CDKL2: variants seen among roughly 807,000 people sequenced by gnomAD.
CDKL2 encodes the protein cyclin-dependent kinase-like 2.
In CDKL2, 64 loss-of-function variants were observed where a neutral mutation model predicts 63.9. The observed-to-expected ratio is 1.00, with a 90% confidence interval of 0.82 to 1.23. CDKL2 has a LOEUF of 1.23. Ranked by LOEUF, CDKL2 falls within the 50% of genes most tolerant of loss-of-function variation. The pLI is 0.00. For synonymous variants in CDKL2, 211 were observed against 229.2 expected, an observed-to-expected ratio of 0.92 and a Z score of 0.72; for missense variants, 656 against 668.0, an observed-to-expected ratio of 0.98 and a Z score of 0.20.
chr4:75,588,087 G>A (rs557127377), intron 12 of CDKL2, among the ~76,000 whole-genome samples: 5 of 151,436 alleles, frequency 3.3e-5, no homozygotes, highest in Non-Finnish European at 7.4e-5. Flanking sequence ...GGTGGTGCAC[G>A]CCTGTAATCC....
At chr4:75,618,545 C>T (rs1231345172) in intron 2 of CDKL2, among the ~76,000 whole-genome samples, 1 of 151,950 alleles carries the variant, frequency 6.6e-6, no homozygotes, top group East Asian at 1.9e-4. Flanking sequence ...TGAGTTGCCG[C>T]GCCCAGCCAT....
intron 7 of CDKL2, 62 bp from the exon 8 acceptor site, chr4:75,598,274 T>G: frequency 1.1e-6 from 1 of 914,754 alleles, no homozygotes; most frequent in Middle Eastern, 3.6e-4. Flanking sequence ...AAAAATTGAC[T>G]TTCAAGATAT....
At chr4:75,610,362 T>C (rs1174957290) in intron 3 of CDKL2, among the ~76,000 whole-genome samples, 22 of 152,130 alleles carry the variant, frequency 1.4e-4, no homozygotes, top group Admixed American at 1.4e-3. Flanking sequence ...TCACCATGTT[T>C]CTTCCCAACT....
At chr4:75,596,018 AAGGAAGGAAGGAAGAAAGGAAGGAAGG>A (rs1728912274) in intron 10 of CDKL2, 17 of 54,544 alleles carry the variant, frequency 3.1e-4, no homozygotes, top group Non-Finnish European at 3.5e-4. Context: ...GGAAGGAAGG[AAGGAAGGAAGGAAGAAAGGAAGGAAGG>A]AGTTTTTAGA....
At chr4:75,590,548 C>A (rs1454656635) in intron 12 of CDKL2, among the ~76,000 whole-genome samples, 1 of 152,028 alleles carries the variant, frequency 6.6e-6, no homozygotes, top group Non-Finnish European at 1.5e-5. Context: ...AACCCTGCCT[C>A]TAATAAAAAT....
chr4:75,588,162 C>T (rs1319165258), intron 12 of CDKL2, among the ~76,000 whole-genome samples: 63 of 149,918 alleles, frequency 4.2e-4, no homozygotes, highest in African/African-American at 1.3e-3. Flanking sequence ...TGCCGTGAGC[C>T]GAGATCGCAC....
chr4:75,581,578 A>T (rs1290902222), intron 13 of CDKL2, among the ~76,000 whole-genome samples: 1 of 152,222 alleles, frequency 6.6e-6, no homozygotes, highest in Non-Finnish European at 1.5e-5. Context: ...ATATCCAATA[A>T]AATGCAGGAG....
intron 6 of CDKL2, among the ~76,000 whole-genome samples, chr4:75,601,866 A>G (rs981823006): frequency 2.6e-5 from 4 of 152,212 alleles, no homozygotes; most frequent in African/African-American, 9.6e-5. Flanking sequence ...TCATGAGTTA[A>G]AGAATTAAAA....
chr4:75,581,102 T>G (rs1017648023), intron 13 of CDKL2, among the ~76,000 whole-genome samples: 1 of 152,228 alleles, frequency 6.6e-6, no homozygotes, highest in African/African-American at 2.4e-5. Context: ...AGTATAATCA[T>G]GCACTGTATA....
At chr4:75,596,477 C>A in intron 9 of CDKL2, 137 bp from the exon 10 acceptor site, 2 of 623,054 alleles carry the variant, frequency 3.2e-6, no homozygotes, top group Non-Finnish European at 5.7e-6. Context: ...ATACAATGCA[C>A]ATAAATCTGG....
intron 13 of CDKL2, among the ~76,000 whole-genome samples, chr4:75,580,067 T>C (rs758870261): frequency 6.6e-6 from 1 of 151,688 alleles, no homozygotes; most frequent in Non-Finnish European, 1.5e-5. Flanking sequence ...AGGTCAGGAG[T>C]TCAAGACCAG....
chr4:75,592,299 G>A (rs1560575769), intron 10 of CDKL2, 30 bp from the exon 11 acceptor site: 3 of 1,495,626 alleles, frequency 2.0e-6, no homozygotes, highest in South Asian at 2.6e-5. Context: ...CAACAAAAAA[G>A]AATTAGTTTC....
At chr4:75,624,910 T>A (rs1200400290) in intron 2 of CDKL2, among the ~76,000 whole-genome samples, 1 of 152,074 alleles carries the variant, frequency 6.6e-6, no homozygotes, top group Non-Finnish European at 1.5e-5. Flanking sequence ...TATTGCATAA[T>A]AACAAAAGAT....
intron 12 of CDKL2, among the ~76,000 whole-genome samples, chr4:75,589,299 C>CTTTTTTTTTTTTTTTT (rs34052339): frequency 1.1e-5 from 1 of 88,412 alleles, no homozygotes; most frequent in Non-Finnish European, 2.1e-5. Context: ...TTGATAGTTT[C>CTTTTTTTTTTTTTTTT]TTTTTTTTTT....
chr4:75,587,991 G>A (rs1409752178), intron 12 of CDKL2, among the ~76,000 whole-genome samples: 1 of 151,680 alleles, frequency 6.6e-6, no homozygotes, highest in Non-Finnish European at 1.5e-5. Context: ...AAGGCAGGCG[G>A]ATCACCTGAG....
Position 75,626,029 on chromosome 4 carries a change from A to G in CDKL2, c.-29-12T>C, listed in dbSNP as rs756450129. On this transcript the variant is annotated splice_polypyrimidine_tract_variant and intron_variant, in intron 1 of 13. Coordinates refer to ENST00000307465, the MANE Select transcript of CDKL2 (RefSeq NM_001330724.2). ...GTAGAAACTTTTTGCTGTGAAAACC[A>G]AAACATAGATTTAACAAAGTTGAGT... The G allele has an allele frequency of 6.5e-7, 1 of 1,530,814 alleles. No homozygotes were observed. The allele number at this position is 1,530,814 out of a possible 1,614,324, so 94.8% of individuals were successfully genotyped here.
chr4:75,611,274 C>T (rs1729678893), intron 3 of CDKL2, among the ~76,000 whole-genome samples: 1 of 152,106 alleles, frequency 6.6e-6, no homozygotes. Flanking sequence ...GCCTGGCCAA[C>T]ATGGCGAAAC....
intron 13 of CDKL2, among the ~76,000 whole-genome samples, chr4:75,580,283 G>A (rs187166181): frequency 9.2e-5 from 14 of 151,654 alleles, no homozygotes; most frequent in Admixed American, 3.3e-4. Context: ...ATACAGTTGT[G>A]AGAATGTGGG....
chr4:75,601,915 A>C (rs929954662), intron 6 of CDKL2, among the ~76,000 whole-genome samples: 2 of 152,242 alleles, frequency 1.3e-5, no homozygotes, highest in African/African-American at 4.8e-5. Context: ...CTAGTGTTTT[A>C]GAGGTACCTA....
Sources: gnomAD v4.1 joint callset for allele counts (sites outside exome capture counted in the v4.1 genomes callset) on GRCh38, gnomAD v4.1.1 for gene constraint, MANE v1.5 for transcripts, NCBI Gene and HGNC (gene_info 2026-07-23, HGNC 2026-07-21) for gene names.